Variants in SH3RF3 observed in about 807,000 individuals in gnomAD.
The protein encoded by SH3RF3 is E3 ubiquitin-protein ligase SH3RF3.
SH3RF3 carries 29 observed loss-of-function variants against 66.3 expected under a neutral mutation model. The observed-to-expected ratio is 0.44, with a 90% CI of 0.33 to 0.60. The LOEUF is 0.60. SH3RF3 is among the 20% of genes least tolerant of loss of function. SH3RF3 has a pLI of 0.04. For synonymous variants in SH3RF3, 583 were observed against 532.0 expected (o/e 1.10, Z -1.32); for missense variants, 1,194 against 1,190.9 (o/e 1.00, Z -0.04).
At chr2:109,469,972 G>A (rs1678459413) in intron 8 of SH3RF3, among the ~76,000 whole-genome samples, 1 of 152,182 alleles carries the variant, frequency 6.6e-6, no homozygotes, top group Non-Finnish European at 1.5e-5. Context: ...ATGAACCCAT[G>A]AGCAGATACG....
intron 1 of SH3RF3, among the ~76,000 whole-genome samples, chr2:109,290,045 TG>T (rs1681127174): frequency 6.6e-6 from 1 of 152,208 alleles, no homozygotes; most frequent in African/African-American, 2.4e-5. Flanking sequence ...TACAGGGGGA[TG>T]CCTGGAATTC....
intron 1 of SH3RF3, among the ~76,000 whole-genome samples, chr2:109,249,532 T>TTTCTCTTTCTTTCTTTCCTTCCTTCC (rs1680019798): frequency 2.1e-5 from 2 of 96,450 alleles, no homozygotes; most frequent in Non-Finnish European, 4.1e-5. Flanking sequence ...TCTTTCTTTC[T>TTTCTCTTTCTTTCTTTCCTTCCTTCC]TTCCTTCCTT....
chr2:109,369,029 T>C (rs6725934), intron 2 of SH3RF3, among the ~76,000 whole-genome samples: 78,462 of 151,844 alleles, frequency 0.52, 20,920 homozygotes, highest in African/African-American at 0.63. Context: ...CACTCTAGTG[T>C]CCTCGTGGTG....
intron 1 of SH3RF3, among the ~76,000 whole-genome samples, chr2:109,194,286 T>C (rs1398898820): frequency 6.6e-6 from 1 of 152,190 alleles, no homozygotes; most frequent in Non-Finnish European, 1.5e-5. Context: ...GCCGGTCTTG[T>C]GTTTCTTACC....
At chr2:109,239,445 C>G (rs2105214262) in intron 1 of SH3RF3, among the ~76,000 whole-genome samples, 1 of 152,312 alleles carries the variant, frequency 6.6e-6, no homozygotes, top group Non-Finnish European at 1.5e-5. Flanking sequence ...GTCTTCCCTG[C>G]TCCTTGCCTC....
At chr2:109,420,011 T>C (rs2104521724) in intron 5 of SH3RF3, among the ~76,000 whole-genome samples, 1 of 152,284 alleles carries the variant, frequency 6.6e-6, no homozygotes, top group Middle Eastern at 3.4e-3. Flanking sequence ...GCGGGTAGTC[T>C]AGGAGCTTGG....
chr2:109,156,981 C>T (rs948559662), intron 1 of SH3RF3, among the ~76,000 whole-genome samples: 7 of 152,104 alleles, frequency 4.6e-5, no homozygotes, highest in African/African-American at 1.7e-4. Context: ...TTTTTATTTC[C>T]CTCTGAAATC....
At chr2:109,287,667 T>C (rs1354275107) in intron 1 of SH3RF3, among the ~76,000 whole-genome samples, 1 of 152,178 alleles carries the variant, frequency 6.6e-6, no homozygotes, top group African/African-American at 2.4e-5. Context: ...GTGTTCCCCT[T>C]CTGGGCCCTC....
chr2:109,136,235 A>T (rs1046387700), intron 1 of SH3RF3, among the ~76,000 whole-genome samples: 2 of 151,708 alleles, frequency 1.3e-5, no homozygotes, highest in African/African-American at 4.9e-5. Flanking sequence ...TTAAAAAAAA[A>T]CACACACATC....
At chr2:109,199,363 T>C (rs367902345) in intron 1 of SH3RF3, among the ~76,000 whole-genome samples, 1 of 14,446 alleles carries the variant, frequency 6.9e-5, no homozygotes, top group Non-Finnish European at 2.2e-4. Context: ...TGGAATGGAA[T>C]GGAATGGAAT....
At chr2:109,253,938 A>G (rs1396556594) in intron 1 of SH3RF3, among the ~76,000 whole-genome samples, 2 of 152,076 alleles carry the variant, frequency 1.3e-5, no homozygotes, top group African/African-American at 4.8e-5. Flanking sequence ...CCCCTTCCAC[A>G]GCTCTTAAGG....
At chr2:109,212,968 C>T (rs980529738) in intron 1 of SH3RF3, among the ~76,000 whole-genome samples, 1 of 152,108 alleles carries the variant, frequency 6.6e-6, no homozygotes, top group African/African-American at 2.4e-5. Flanking sequence ...CAGATGCTGC[C>T]CACACATCCC....
At chr2:109,403,040 C>A (rs1676356877) in intron 4 of SH3RF3, among the ~76,000 whole-genome samples, 1 of 152,130 alleles carries the variant, frequency 6.6e-6, no homozygotes. Context: ...CTTAGCTGGC[C>A]GAATTAAGGG....
chr2:109,365,025 AG>A (rs1683128459), intron 2 of SH3RF3, among the ~76,000 whole-genome samples: 1 of 151,328 alleles, frequency 6.6e-6, no homozygotes, highest in Non-Finnish European at 1.5e-5. Flanking sequence ...TGTCTCAAAA[AG>A]AAACACAGAC....
intron 1 of SH3RF3, among the ~76,000 whole-genome samples, chr2:109,196,575 A>G (rs547595479): frequency 6.6e-6 from 1 of 152,128 alleles, no homozygotes; most frequent in African/African-American, 2.4e-5. Context: ...GAGTGGCCCT[A>G]CATCATGTGG....
chr2:109,270,687 G>A (rs931374793), intron 1 of SH3RF3, among the ~76,000 whole-genome samples: 5 of 152,320 alleles, frequency 3.3e-5, no homozygotes, highest in East Asian at 3.9e-4. Flanking sequence ...TCTGGGCCAC[G>A]CAGGTGGTGT....
chr2:109,194,739 G>A (rs1385314580), intron 1 of SH3RF3, among the ~76,000 whole-genome samples: 1 of 152,198 alleles, frequency 6.6e-6, no homozygotes, highest in African/African-American at 2.4e-5. Flanking sequence ...TGCAGGCCGG[G>A]GATGCTTCCA....
chr2:109,466,555 T>C (rs1290677815), intron 8 of SH3RF3, among the ~76,000 whole-genome samples: 1 of 152,250 alleles, frequency 6.6e-6, no homozygotes, highest in Non-Finnish European at 1.5e-5. Context: ...TGACAGTATC[T>C]GTTTCAGAGC....
chr2:109,212,447 C>G (rs1380657511), intron 1 of SH3RF3, among the ~76,000 whole-genome samples: 1 of 152,184 alleles, frequency 6.6e-6, no homozygotes, highest in Non-Finnish European at 1.5e-5. Context: ...ATACAAAAGT[C>G]TCAAAATGAA....
Sources: allele counts gnomAD v4.1 joint callset (sites outside exome capture counted in the v4.1 genomes callset), GRCh38; gene constraint gnomAD v4.1.1; transcripts MANE v1.5; gene names NCBI Gene and HGNC (gene_info 2026-07-23, HGNC 2026-07-21).